Variants in ASB3 observed in about 807,000 individuals in gnomAD.
The protein encoded by ASB3 is ankyrin repeat and SOCS box containing 3.
Under a neutral mutation model 54.5 loss-of-function variants are expected in ASB3, and 41 were observed. The observed-to-expected ratio is 0.75, with a 90% CI of 0.59 to 0.98. ASB3 has a LOEUF of 0.98. Ranked by LOEUF, ASB3 falls within the 50% of genes least tolerant of loss-of-function variation. The probability of loss-of-function intolerance (pLI) is 0.00; values close to 1 mark genes in which losing one functional copy is unlikely to be tolerated. For missense variants in ASB3, 733 were observed against 620.0 expected (o/e 1.18, Z -1.94); for synonymous variants, 266 against 221.2 (o/e 1.20, Z -1.80).
intron 3 of ASB3, among the ~76,000 whole-genome samples, chr2:53,738,583 G>A (rs551691599): frequency 6.6e-6 from 1 of 152,250 alleles, no homozygotes; most frequent in East Asian, 1.9e-4. Context: ...GGGTAGGACT[G>A]GTCTAGAGAT....
chr2:53,697,963 C>A (rs1035921055), intron 8 of ASB3, among the ~76,000 whole-genome samples: 3 of 152,160 alleles, frequency 2.0e-5, no homozygotes, highest in Non-Finnish European at 4.4e-5. Context: ...TCAATGGCAG[C>A]CCTGCTCCCA....
chr2:53,699,295 G>C (rs1669353823), intron 8 of ASB3, among the ~76,000 whole-genome samples: 1 of 152,198 alleles, frequency 6.6e-6, no homozygotes, highest in Non-Finnish European at 1.5e-5. Context: ...AAATGAATTT[G>C]AGGACTGTTT....
intron 3 of ASB3, among the ~76,000 whole-genome samples, chr2:53,748,085 T>C (rs1672324688): frequency 6.6e-6 from 1 of 151,992 alleles, no homozygotes; most frequent in South Asian, 2.1e-4. Flanking sequence ...GTGGGAATAA[T>C]AATAGTACAT....
intron 1 of ASB3, chr2:53,767,536 T>A (rs890754507): frequency 4.9e-6 from 1 of 202,060 alleles, no homozygotes; most frequent in Admixed American, 5.5e-5. Flanking sequence ...ATAAGCCCAG[T>A]TCCAATTTCA....
intron 9 of ASB3, among the ~76,000 whole-genome samples, chr2:53,684,413 A>G (rs932911736): frequency 1.3e-5 from 2 of 152,226 alleles, no homozygotes; most frequent in African/African-American, 4.8e-5. Flanking sequence ...CTGATAGTAA[A>G]TAATTCCTAA....
intron 1 of ASB3, among the ~76,000 whole-genome samples, chr2:53,779,760 G>A (rs376801408): frequency 4.6e-5 from 7 of 152,156 alleles, no homozygotes; most frequent in African/African-American, 1.2e-4. Flanking sequence ...TCTTTACTTC[G>A]CTTCCACATT....
chr2:53,762,171 CTG>C (rs3062426), intron 2 of ASB3, among the ~76,000 whole-genome samples: 12,393 of 149,522 alleles, frequency 0.083, 546 homozygotes, highest in East Asian at 0.16. Flanking sequence ...AGTGATCTAA[CTG>C]TGTGTGTGTG....
chr2:53,784,143 T>C (rs1393013617), intron 1 of ASB3, among the ~76,000 whole-genome samples: 1 of 152,232 alleles, frequency 6.6e-6, no homozygotes, highest in Non-Finnish European at 1.5e-5. Context: ...CTTAATAGTT[T>C]TATAGCGAAT....
At chr2:53,715,681 T>A (rs1478432914) in intron 6 of ASB3, among the ~76,000 whole-genome samples, 1 of 152,120 alleles carries the variant, frequency 6.6e-6, no homozygotes, top group Non-Finnish European at 1.5e-5. Flanking sequence ...ATGTGTTTAA[T>A]TTTTTTAAGT....
At chr2:53,677,383 A>G (rs530779122) in intron 9 of ASB3, among the ~76,000 whole-genome samples, 86 of 152,274 alleles carry the variant, frequency 5.6e-4, no homozygotes, top group Middle Eastern at 3.4e-3. Context: ...AAAATTGCCT[A>G]TTCTCTCACT....
At chr2:53,761,724 C>G (rs571788719) in intron 2 of ASB3, among the ~76,000 whole-genome samples, 1 of 152,302 alleles carries the variant, frequency 6.6e-6, no homozygotes, top group South Asian at 2.1e-4. Flanking sequence ...TAGCCAATTC[C>G]CATAGTAAAT....
chr2:53,734,627 C>A (rs915684404), intron 3 of ASB3, among the ~76,000 whole-genome samples: 1 of 152,226 alleles, frequency 6.6e-6, no homozygotes, highest in Non-Finnish European at 1.5e-5. Flanking sequence ...AATTCTACTG[C>A]CATAATTCAT....
chr2:53,768,539 C>T (rs1673662280), intron 1 of ASB3, among the ~76,000 whole-genome samples: 1 of 152,168 alleles, frequency 6.6e-6, no homozygotes. Context: ...TATTTTCTGA[C>T]ACACAGGATT....
At chr2:53,697,749 G>A (rs531982330) in intron 8 of ASB3, among the ~76,000 whole-genome samples, 5 of 152,308 alleles carry the variant, frequency 3.3e-5, no homozygotes, top group South Asian at 4.1e-4. Context: ...ATTACCTTGA[G>A]ACTCCAAGAT....
intron 3 of ASB3, among the ~76,000 whole-genome samples, chr2:53,745,828 C>G (rs2103985177): frequency 1.3e-5 from 2 of 152,314 alleles, no homozygotes; most frequent in South Asian, 4.1e-4. Context: ...GGAAAGGAAG[C>G]TATTCTAGAC....
intron 9 of ASB3, among the ~76,000 whole-genome samples, chr2:53,691,701 G>C (rs1668922540): frequency 6.6e-6 from 1 of 152,138 alleles, no homozygotes; most frequent in Non-Finnish European, 1.5e-5. Context: ...AAACTGATGA[G>C]TAAAGGGTGC....
chr2:53,727,410 T>C (rs950824734), intron 5 of ASB3, among the ~76,000 whole-genome samples: 2 of 152,062 alleles, frequency 1.3e-5, no homozygotes, highest in African/African-American at 4.8e-5. Context: ...TCCCAGCACT[T>C]TGGGAGGCTG....
intron 2 of ASB3, among the ~76,000 whole-genome samples, chr2:53,758,902 C>G (rs528316202): frequency 3.6e-4 from 55 of 152,276 alleles, no homozygotes; most frequent in Non-Finnish European, 4.0e-4. Flanking sequence ...GTGTATGTAC[C>G]TTTTTCCCTG....
intron 1 of ASB3, among the ~76,000 whole-genome samples, chr2:53,780,270 CG>C (rs1201390838): frequency 6.6e-6 from 1 of 152,126 alleles, no homozygotes; most frequent in African/African-American, 2.4e-5. Context: ...TTCCCACTGA[CG>C]TACTCCCCTG....
Sources: allele counts gnomAD v4.1 joint callset (sites outside exome capture counted in the v4.1 genomes callset), GRCh38; gene constraint gnomAD v4.1.1; transcripts MANE v1.5; gene names NCBI Gene and HGNC (gene_info 2026-07-23, HGNC 2026-07-21).